Variants in DLGAP1 observed in about 807,000 individuals in gnomAD.
DLGAP1 encodes DLG associated protein 1, also known as disks large-associated protein 1.
In DLGAP1, 11 loss-of-function variants were observed where a neutral mutation model predicts 90.8. The ratio of observed to expected loss-of-function variants is 0.12; its 90% CI spans 0.08 to 0.20. The LOEUF is 0.20. Among genes scored for constraint, DLGAP1 ranks in the 10% least tolerant of loss-of-function variants. The probability of loss-of-function intolerance (pLI) is 1.00; values close to 1 mark genes in which losing one functional copy is unlikely to be tolerated. For missense variants in DLGAP1, 1,050 were observed against 1,333.8 expected, an observed-to-expected ratio of 0.79 and a Z score of 3.31; for synonymous variants, 558 against 540.7, an observed-to-expected ratio of 1.03 and a Z score of -0.44.
Position 3,644,819 on chromosome 18 carries a change from T to C in DLGAP1, c.1592-62571A>G, listed in dbSNP as rs1378492680. On this transcript the variant is annotated intron_variant, in intron 7 of 12. Coordinates refer to ENST00000315677, the MANE Select transcript of DLGAP1 (RefSeq NM_004746.4). Reference sequence around the variant, plus strand: ...TGTAAATTGTAATATATCCATATAGTAGAATACTATGTAGCTGCAAAACAT... The same window carrying C: ...TGTAAATTGTAATATATCCATATAGCAGAATACTATGTAGCTGCAAAACAT... Among the ~76,000 whole-genome samples, 18 of 152,186 alleles carry C rather than the reference T, an allele frequency of 1.2e-4. 1 individual carries two copies. Among genetic ancestry groups the C allele is most frequent in the Admixed American group, 1.2e-3 (18 of 15,282 alleles).
chr18:4,029,843 C>T (rs1161430294), intron 2 of DLGAP1, among the ~76,000 whole-genome samples: 2 of 152,276 alleles, frequency 1.3e-5, no homozygotes, highest in Admixed American at 6.5e-5. Context: ...AGGCCCTCCA[C>T]GATGGCCCTA....
chr18:4,195,830 G>T (rs2077487548), intron 1 of DLGAP1, among the ~76,000 whole-genome samples: 2 of 152,212 alleles, frequency 1.3e-5, no homozygotes, highest in African/African-American at 2.4e-5. Flanking sequence ...TGGGATTACA[G>T]GCATGAGCCA....
chr18:4,005,030 C>T (rs1192315802), intron 3 of DLGAP1, 86 bp downstream of exon 3: 1 of 151,834 alleles, frequency 6.6e-6, no homozygotes, highest in Non-Finnish European at 1.5e-5. Context: ...TTTAGATGTA[C>T]ATGCCTAATA....
intron 1 of DLGAP1, among the ~76,000 whole-genome samples, chr18:4,181,443 T>C (rs577266786): frequency 4.6e-5 from 7 of 152,276 alleles, no homozygotes; most frequent in South Asian, 2.1e-4. Context: ...GGTTGAAATA[T>C]ATACTGCGGC....
At chr18:3,784,098 A>G (rs950601833) in intron 5 of DLGAP1, among the ~76,000 whole-genome samples, 1 of 152,108 alleles carries the variant, frequency 6.6e-6, no homozygotes, top group Non-Finnish European at 1.5e-5. Context: ...TCTACAATGG[A>G]AGTCATTGCA....
Position 3,952,399 on chromosome 18 carries a change from T to C in DLGAP1, c.-73+52717A>G, listed in dbSNP as rs558582462. 2.2e-4 allele frequency among the ~76,000 whole-genome samples: 33 copies of C among 152,370 alleles called. 1 individual carries two copies. The South Asian group carries it at 6.8e-3, about 32-fold the overall frequency. Reference sequence around the variant, plus strand: ...GAGGATTCCCACTGAGGACGAAGGCTGTTTTAACTTCACACTATTGACCAC... The same window carrying C: ...GAGGATTCCCACTGAGGACGAAGGCCGTTTTAACTTCACACTATTGACCAC... On this transcript the variant is annotated intron_variant, in intron 3 of 12. Coordinates refer to ENST00000315677, the MANE Select transcript of DLGAP1 (RefSeq NM_004746.4).
chr18:4,203,242 T>C (rs2077645295), intron 1 of DLGAP1, among the ~76,000 whole-genome samples: 1 of 147,402 alleles, frequency 6.8e-6, no homozygotes, highest in South Asian at 2.1e-4. Flanking sequence ...GCCACTGCAC[T>C]CCAGCCTGGG....
chr18:3,772,885 G>A (rs922847745), intron 5 of DLGAP1, among the ~76,000 whole-genome samples: 2 of 152,086 alleles, frequency 1.3e-5, no homozygotes, highest in African/African-American at 4.8e-5. Context: ...CTAAGCCCCC[G>A]ATAACTCCAG....
At chr18:3,702,426 G>A (rs1448577405) in intron 7 of DLGAP1, among the ~76,000 whole-genome samples, 2 of 152,246 alleles carry the variant, frequency 1.3e-5, no homozygotes, top group African/African-American at 4.8e-5. Flanking sequence ...AAACCAGGAA[G>A]GCATAAATTG....
intron 11 of DLGAP1, among the ~76,000 whole-genome samples, chr18:3,506,220 A>G (rs1200264852): frequency 1.3e-5 from 2 of 151,140 alleles, no homozygotes; most frequent in Non-Finnish European, 1.5e-5. Flanking sequence ...CTGGGCAACA[A>G]GAGTGAAACT....
intron 3 of DLGAP1, among the ~76,000 whole-genome samples, chr18:3,935,904 C>T (rs543182849): frequency 1.3e-5 from 2 of 152,278 alleles, no homozygotes; most frequent in South Asian, 4.1e-4. Flanking sequence ...TCTTTTATCA[C>T]AGCAAAGGAA....
At chr18:4,178,775 A>G (rs2077160362) in intron 1 of DLGAP1, among the ~76,000 whole-genome samples, 1 of 152,180 alleles carries the variant, frequency 6.6e-6, no homozygotes, top group African/African-American at 2.4e-5. Flanking sequence ...CATGTAACTT[A>G]AATAATAAAT....
chr18:4,076,839 G>A (rs556693739), intron 2 of DLGAP1, among the ~76,000 whole-genome samples: 18 of 152,092 alleles, frequency 1.2e-4, no homozygotes, highest in Non-Finnish European at 2.5e-4. Context: ...GGCCAGGCTG[G>A]TTTTGAACTC....
At chr18:4,101,066 A>G (rs1452635850) in intron 2 of DLGAP1, among the ~76,000 whole-genome samples, 1 of 152,174 alleles carries the variant, frequency 6.6e-6, no homozygotes. Flanking sequence ...TCCTTCAAGA[A>G]TTCTTCCTTT....
At position 3,974,986 on chromosome 18, in the gene DLGAP1, G is replaced by A. The variant is rs551053963; in HGVS notation, c.-73+30130C>T. On this transcript the variant is annotated intron_variant, in intron 3 of 12. Transcript: ENST00000315677. Reference sequence around the variant, plus strand: ...TGAGGTAACTAAAGTAGTCAAATTCGTAGACACAGAAAGTGGAATGGTGAT... The same window carrying A: ...TGAGGTAACTAAAGTAGTCAAATTCATAGACACAGAAAGTGGAATGGTGAT... 9.9e-4 allele frequency among the ~76,000 whole-genome samples: 151 copies of A among 152,186 alleles called. 2 individuals are homozygous for A. Among genetic ancestry groups the A allele is most frequent in the African/African-American group, 3.0e-3 (125 of 41,530 alleles).
intron 1 of DLGAP1, among the ~76,000 whole-genome samples, chr18:4,269,227 T>A (rs964343749): frequency 5.3e-5 from 8 of 151,074 alleles, no homozygotes; most frequent in Non-Finnish European, 8.9e-5. Flanking sequence ...TTAATTTTCA[T>A]GTAATATTGA....
At chr18:3,936,268 A>G (rs1436442895) in intron 3 of DLGAP1, among the ~76,000 whole-genome samples, 1 of 152,226 alleles carries the variant, frequency 6.6e-6, no homozygotes, top group African/African-American at 2.4e-5. Flanking sequence ...TGAGCTCTGA[A>G]GCCCAGTGAT....
chr18:4,088,429 T>TCGTGTGTGTGTG (rs71160943), intron 2 of DLGAP1, among the ~76,000 whole-genome samples: 6 of 148,346 alleles, frequency 4.0e-5, no homozygotes, highest in Admixed American at 3.3e-4. Flanking sequence ...TAATTTTCCT[T>TCGTGTGTGTGTG]TGTGTGTGTG....
chr18:4,325,114 C>G (rs1162572612), intron 1 of DLGAP1, among the ~76,000 whole-genome samples: 1 of 152,094 alleles, frequency 6.6e-6, no homozygotes, highest in Non-Finnish European at 1.5e-5. Flanking sequence ...TAGAAAAACC[C>G]ATAGTCTTGG....
Sources: gnomAD v4.1 joint callset for allele counts (sites outside exome capture counted in the v4.1 genomes callset) on GRCh38, gnomAD v4.1.1 for gene constraint, MANE v1.5 for transcripts, NCBI Gene and HGNC (gene_info 2026-07-23, HGNC 2026-07-21) for gene names.